The following TAPBP variants were observed in gnomAD, a reference collection of about 807,000 sequenced individuals.
TAPBP encodes the protein tapasin.
A neutral mutation model predicts 45.7 loss-of-function variants in TAPBP; 38 were observed. The ratio of observed to expected loss-of-function variants is 0.83; its 90% CI spans 0.64 to 1.09. The LOEUF (loss-of-function observed/expected upper bound fraction) is 1.09. TAPBP is among the 50% of genes least tolerant of loss of function. TAPBP has a pLI of 0.00. For synonymous variants in TAPBP, 226 were observed against 254.8 expected, an observed-to-expected ratio of 0.89 and a Z score of 1.08; for missense variants, 513 against 587.3, an observed-to-expected ratio of 0.87 and a Z score of 1.31.
chr6:33,304,012 G>T, intron 6 of TAPBP, 23 bp from the exon 7 acceptor site: 1 of 1,613,874 alleles, frequency 6.2e-7, no homozygotes, highest in Non-Finnish European at 8.5e-7. Context: ...ATTGAGAAGG[G>T]ATGGGATGCT....
intron 3 of TAPBP, among the ~76,000 whole-genome samples, chr6:33,310,575 C>T (rs570574770): frequency 3.4e-5 from 5 of 146,122 alleles, no homozygotes; most frequent in South Asian, 2.2e-4. Flanking sequence ...CCAGCAGTTT[C>T]GGAGGCCAAG....
chr6:33,303,355 G>A (rs1370337133), intron 7 of TAPBP, among the ~76,000 whole-genome samples: 4 of 151,982 alleles, frequency 2.6e-5, no homozygotes, highest in Non-Finnish European at 2.9e-5. Flanking sequence ...GGAGGTGGAG[G>A]TTGCAGTGAG....
At position 33,305,459 on chromosome 6, in the gene TAPBP, A is replaced by C; in HGVS notation, c.470-72T>G. 38 of 1,412,256 alleles carry C rather than the reference A, an allele frequency of 2.7e-5. No individual in the cohort carries two copies. The highest frequency in any genetic ancestry group is 3.1e-5 in the Non-Finnish European group (33 of 1,063,236). The allele number at this position is 1,412,256 out of a possible 1,614,324, so 87.5% of individuals were successfully genotyped here. On this transcript the variant is annotated intron_variant, in intron 3 of 7. Transcript: ENST00000434618. The surrounding 1 kb of genome is among the most constrained non-coding windows in gnomAD (Gnocchi z 4.4). ...GAAAGAAGGAGAAAAAAATAGAGAA[A>C]TGCAGTTATTGGGGAGGGCTAAACT...
At position 33,300,507 on chromosome 6, in the gene TAPBP, A is replaced by G. The variant is rs903802986; in HGVS notation, c.*1253T>C. 10 of 150,170 alleles carry G rather than the reference A, an allele frequency of 6.7e-5. No homozygotes were observed. The highest frequency in any genetic ancestry group is 2.5e-4 in the African/African-American group (10 of 40,638). 9.3% of individuals were successfully genotyped at this position (150,170 alleles called of 1,614,324 possible). A position where few individuals can be genotyped will look rare whatever the true frequency, so the allele number is the denominator to read the frequency against. On this transcript the variant is annotated 3_prime_UTR_variant, in exon 8 of 8. Coordinates refer to ENST00000434618, the MANE Select transcript of TAPBP (RefSeq NM_003190.5). Reference sequence around the variant, plus strand: ...AAACCCCGTCTCTACTAAAAACACAAAAAGTTAGCCGGGCGTGGTGGCGGG... The same window carrying G: ...AAACCCCGTCTCTACTAAAAACACAGAAAGTTAGCCGGGCGTGGTGGCGGG...
At chr6:33,312,422 C>T (rs1044068736) in intron 3 of TAPBP, among the ~76,000 whole-genome samples, 2 of 152,120 alleles carry the variant, frequency 1.3e-5, no homozygotes, top group African/African-American at 4.8e-5. Flanking sequence ...AGAACTCTAC[C>T]GGTATTCTAC....
intron 3 of TAPBP, among the ~76,000 whole-genome samples, chr6:33,312,714 G>C (rs1769440017): frequency 6.6e-6 from 1 of 152,268 alleles, no homozygotes; most frequent in African/African-American, 2.4e-5. Flanking sequence ...TAGAGTGCAA[G>C]AGCCTTTGCT....
chr6:33,308,215 G>C (rs1371073939), intron 3 of TAPBP: 3 of 151,524 alleles, frequency 2.0e-5, no homozygotes, highest in African/African-American at 7.3e-5. Flanking sequence ...GTGGGTGCCT[G>C]TGATCCCATC....
chr6:33,307,227 G>T (rs1769034936), intron 3 of TAPBP, among the ~76,000 whole-genome samples: 1 of 151,890 alleles, frequency 6.6e-6, no homozygotes, highest in Non-Finnish European at 1.5e-5. Flanking sequence ...GGTAGAGGTT[G>T]CCGTAAGCTG....
rs199710908 is a variant in TAPBP at position 33,304,594 on chromosome 6, C to T, written c.913G>A (p.Ala305Thr). 106 of 1,596,196 alleles carry T rather than the reference C, an allele frequency of 6.6e-5. No homozygotes were observed. The highest frequency in any genetic ancestry group is 2.4e-4 in the African/African-American group (18 of 74,758). ...AATTCCGGGGGTGCCTCCCCTGGGG[C>T]GGCCCGTGCAAGGGTTGCTGGCATC... is the stretch of plus-strand genomic sequence containing the variant. ...SLMPATLARA[A>T]PGEAPPELLC... Residue 305 changes from alanine (A) to threonine (T), a missense_variant, in exon 5 of 8, where the codon GCC becomes ACC. Transcript: ENST00000434618.
chr6:33,304,226 C>T lies in TAPBP; in HGVS notation c.1211-9G>A. 1.2e-6 allele frequency: 2 copies of T among 1,612,666 alleles called. No homozygotes were observed. Among genetic ancestry groups the T allele is most frequent in the Non-Finnish European group, 1.7e-6 (2 of 1,179,332 alleles). On this transcript the variant is annotated splice_polypyrimidine_tract_variant and intron_variant, in intron 5 of 7. Transcript: ENST00000434618. ...GGAGGGCCCTGAAAGACCTGGCAGG[C>T]AGAAGGGGTGAGAGTGAGCTCCTGT...
chr6:33,304,844 C>T, intron 4 of TAPBP, 145 bp downstream of exon 4: 2 of 1,371,688 alleles, frequency 1.5e-6, no homozygotes, highest in Non-Finnish European at 2.0e-6. Flanking sequence ...TCTAGCCTCC[C>T]ATTACCCCTC....
At chr6:33,302,486 G>A (rs770915593) in intron 7 of TAPBP, among the ~76,000 whole-genome samples, 12 of 151,188 alleles carry the variant, frequency 7.9e-5, no homozygotes, top group Non-Finnish European at 1.3e-4. Flanking sequence ...CACCATGCCC[G>A]GCTAATTTTT....
chr6:33,303,366 C>T (rs1055996320), intron 7 of TAPBP, among the ~76,000 whole-genome samples: 4 of 151,964 alleles, frequency 2.6e-5, no homozygotes, highest in East Asian at 1.9e-4. Context: ...TTGCAGTGAG[C>T]CGAGATCGCA....
rs1472814113 is a variant in TAPBP, at chr6:33,313,249, T to G, written c.437A>C (p.Gln146Pro). 1 of 1,614,058 alleles carries G rather than the reference T, an allele frequency of 6.2e-7. No individual in the cohort carries two copies. Among genetic ancestry groups the G allele is most frequent in the Non-Finnish European group, 8.5e-7 (1 of 1,179,930 alleles). ...CATGGTGATGAGAACAGGCTCCTGC[T>G]GAGGCTCTGGCTGTGGTCGCAAGAG... ...SSLLRPQPEP[Q>P]QEPVLITMAT... Residue 146 changes from glutamine (Q) to proline (P), a missense_variant, in exon 3 of 8, where the codon CAG becomes CCG. Coordinates refer to ENST00000434618, the MANE Select transcript of TAPBP (RefSeq NM_003190.5). The surrounding 1 kb of genome is among the most constrained non-coding windows in gnomAD (Gnocchi z 7.2).
At position 33,301,726 on chromosome 6, in the gene TAPBP, G is replaced by T; in HGVS notation, c.*34C>A. ...TACTACAGAAGCTTGGGCCAGAGAT[G>T]ATGGTGGCTTCCACAGGATGGCAGT... On this transcript the variant is annotated 3_prime_UTR_variant, in exon 8 of 8. Coordinates refer to ENST00000434618, the MANE Select transcript of TAPBP (RefSeq NM_003190.5). 1 of 1,598,098 alleles carries T rather than the reference G, an allele frequency of 6.3e-7. No individual in the cohort carries two copies. Among genetic ancestry groups the T allele is most frequent in the Non-Finnish European group, 8.6e-7 (1 of 1,165,426 alleles).
chr6:33,302,013 C>T (rs1169741607), intron 7 of TAPBP, among the ~76,000 whole-genome samples: 2 of 152,098 alleles, frequency 1.3e-5, no homozygotes, highest in Non-Finnish European at 2.9e-5. Context: ...ATGACAGCCA[C>T]CACCCACATT....
chr6:33,304,603 C>A lies in TAPBP; in HGVS notation c.904G>T (p.Ala302Ser). Reference protein sequence around the residue: ...PKVSLMPATLARAAPGEAPPE... With the variant: ...PKVSLMPATLSRAAPGEAPPE... ...GGTGCCTCCCCTGGGGCGGCCCGTG[C>A]AAGGGTTGCTGGCATCAGGGACACT... The change falls in exon 5 of 8, where the codon GCA (alanine) becomes TCA (serine). Residue 302 changes from alanine (A) to serine (S), a missense_variant. Ala to Ser is a moderately conservative substitution (Grantham distance 99). Transcript: ENST00000434618. 1 of 1,589,198 alleles carries A rather than the reference C, an allele frequency of 6.3e-7. No homozygotes were observed. Among genetic ancestry groups the A allele is most frequent in the African/African-American group, 1.3e-5 (1 of 74,506 alleles).
chr6:33,306,707 A>C (rs748601899), intron 3 of TAPBP, among the ~76,000 whole-genome samples: 1 of 152,228 alleles, frequency 6.6e-6, no homozygotes, highest in Non-Finnish European at 1.5e-5. Context: ...GGCCAGACGC[A>C]GTGGTTCATG....
rs1191848250 is a variant in TAPBP at position 33,300,098 on chromosome 6, T to C, written c.*1662A>G. On this transcript the variant is annotated 3_prime_UTR_variant, in exon 8 of 8. Coordinates refer to ENST00000434618, the MANE Select transcript of TAPBP (RefSeq NM_003190.5). ...GGAACAGAGGACTGGGACCTGGAGG[T>C]GGGCGGGAGGCGTTTGGTTCATTGG... 6.5e-6 allele frequency: 1 copy of C among 153,576 alleles called. No individual in the cohort carries two copies. The highest frequency in any genetic ancestry group is 1.5e-5 in the Non-Finnish European group (1 of 68,096). 9.5% of individuals were successfully genotyped at this position (153,576 alleles called of 1,614,324 possible). A position where few individuals can be genotyped will look rare whatever the true frequency, so the allele number is the denominator to read the frequency against.
Sources: allele counts gnomAD v4.1 joint callset (sites outside exome capture counted in the v4.1 genomes callset), GRCh38; gene constraint gnomAD v4.1.1; non-coding constraint Gnocchi (gnomAD v3.1); transcripts MANE v1.5; gene names NCBI Gene and HGNC (gene_info 2026-07-23, HGNC 2026-07-21).